The following PGR variants were observed in gnomAD, a reference collection of about 807,000 sequenced individuals.
PGR encodes nuclear receptor subfamily 3 group C member 3.
Under a neutral mutation model 76.1 loss-of-function variants are expected in PGR, and 25 were observed. That is an observed-to-expected ratio of 0.33 (90% CI 0.24 to 0.46). The LOEUF (loss-of-function observed/expected upper bound fraction) is 0.46, where lower values mean the gene tolerates loss of function less well. PGR is among the 20% of genes least tolerant of loss of function. PGR has a pLI of 1.00. For missense variants in PGR, 1,172 were observed against 1,225.3 expected, an observed-to-expected ratio of 0.96 and a Z score of 0.65; for synonymous variants, 579 against 535.0, an observed-to-expected ratio of 1.08 and a Z score of -1.14.
At chr11:101,113,163 T>C (rs1862394548) in intron 2 of PGR, among the ~76,000 whole-genome samples, 1 of 152,206 alleles carries the variant, frequency 6.6e-6, no homozygotes. Context: ...AAATGCTATC[T>C]ACAAAACAAC....
rs144087462 is a variant in PGR, at chr11:101,036,132, T to A, written c.*2984A>T. 6.3e-4 allele frequency: 137 copies of A among 218,510 alleles called. 1 individual carries two copies. In the East Asian group the frequency reaches 9.3e-3, roughly 15 times the overall value. The allele number at this position is 218,510 out of a possible 1,614,324, so 13.5% of individuals were successfully genotyped here. A position where few individuals can be genotyped will look rare whatever the true frequency, so the allele number is the denominator to read the frequency against. ...GTGCCCATCATCAAACACATGACTA[T>A]CTGTGGATAATTTAAGTTACAGGTT... is the stretch of plus-strand genomic sequence containing the variant. On this transcript the variant is annotated 3_prime_UTR_variant, in exon 8 of 8. Transcript: ENST00000325455.
At chr11:101,094,052 T>C (rs951773202) in intron 2 of PGR, among the ~76,000 whole-genome samples, 2 of 152,184 alleles carry the variant, frequency 1.3e-5, no homozygotes, top group Non-Finnish European at 2.9e-5. Flanking sequence ...ATCAATTTCC[T>C]CCTTTCTCTC....
Position 101,032,827 on chromosome 11 carries a change from A to C in PGR, c.*6289T>G. The C allele has an allele frequency of 5.3e-6, 1 of 189,614 alleles. No individual in the cohort carries two copies. The highest frequency in any genetic ancestry group is 1.1e-5 in the Non-Finnish European group (1 of 90,254). The allele number at this position is 189,614 out of a possible 1,614,324, so 11.7% of individuals were successfully genotyped here. A position where few individuals can be genotyped will look rare whatever the true frequency, so the allele number is the denominator to read the frequency against. On this transcript the variant is annotated 3_prime_UTR_variant, in exon 8 of 8. Coordinates refer to ENST00000325455, the MANE Select transcript of PGR (RefSeq NM_000926.4). ...CCCCATCCAACTCTAAGCTCGGAGA[A>C]GACGGGAACACTGGTAATCTCCACA...
chr11:101,078,307 A>C (rs1861189762), intron 3 of PGR, among the ~76,000 whole-genome samples: 1 of 152,108 alleles, frequency 6.6e-6, no homozygotes, highest in Non-Finnish European at 1.5e-5. Context: ...AACCCATAAA[A>C]CCTGTAACTG....
chr11:101,118,395 G>A (rs187034375), intron 2 of PGR, among the ~76,000 whole-genome samples: 113 of 152,074 alleles, frequency 7.4e-4, no homozygotes, highest in Middle Eastern at 3.4e-3. Context: ...TTGAGCTCAC[G>A]GTCCATACTC....
chr11:101,073,065 T>A (rs993180149), intron 3 of PGR, among the ~76,000 whole-genome samples: 1 of 152,088 alleles, frequency 6.6e-6, no homozygotes, highest in Non-Finnish European at 1.5e-5. Context: ...ATTGACCACA[T>A]AATTGGAAGT....
At chr11:101,081,465 A>G (rs1861306310) in intron 3 of PGR, among the ~76,000 whole-genome samples, 1 of 152,062 alleles carries the variant, frequency 6.6e-6, no homozygotes, top group African/African-American at 2.4e-5. Context: ...TAGTCACCAG[A>G]ATGTTCAAAG....
chr11:101,090,302 G>T (rs1005394802), intron 3 of PGR, among the ~76,000 whole-genome samples: 1 of 152,266 alleles, frequency 6.6e-6, no homozygotes, highest in African/African-American at 2.4e-5. Flanking sequence ...CCAGAACTCC[G>T]CCATTTTCAT....
chr11:101,040,370 G>A (rs752715705), intron 7 of PGR, among the ~76,000 whole-genome samples: 5 of 152,004 alleles, frequency 3.3e-5, no homozygotes, highest in Non-Finnish European at 7.4e-5. Context: ...TTGCATCTCT[G>A]TTGGGGTGGA....
chr11:101,048,797 T>C (rs948996406), intron 6 of PGR, among the ~76,000 whole-genome samples: 13 of 152,162 alleles, frequency 8.5e-5, no homozygotes, highest in Non-Finnish European at 1.6e-4. Flanking sequence ...ATTTCTTTTA[T>C]AATAAATTAG....
At chr11:101,048,416 T>A (rs1019594781) in intron 6 of PGR, among the ~76,000 whole-genome samples, 1 of 152,152 alleles carries the variant, frequency 6.6e-6, no homozygotes, top group East Asian at 1.9e-4. Flanking sequence ...ATTTCATCAC[T>A]GTGTGATTAT....
chr11:101,050,603 C>T (rs974416151), intron 5 of PGR, among the ~76,000 whole-genome samples: 5 of 152,068 alleles, frequency 3.3e-5, no homozygotes, highest in Non-Finnish European at 5.9e-5. Flanking sequence ...AACACAAGTG[C>T]TGAAGGCTGA....
rs892222542 is a variant in PGR at position 101,127,329 on chromosome 11, G to T, written c.1637+105C>A. Reference sequence around the variant, plus strand: ...GCCCACCCTCTCCGGCCGCCCCGGGGAGCGCAGCGGTGCGCTGGGGCTGGG... The same window carrying T: ...GCCCACCCTCTCCGGCCGCCCCGGGTAGCGCAGCGGTGCGCTGGGGCTGGG... On this transcript the variant is annotated intron_variant, in intron 1 of 7. Transcript: ENST00000325455. The T allele has an allele frequency of 3.6e-6, 3 of 832,188 alleles. No homozygotes were observed. The African/African-American group carries it at 5.5e-5, about 15-fold the overall frequency. 51.6% of individuals were successfully genotyped at this position (832,188 alleles called of 1,614,324 possible).
At chr11:101,106,154 G>A (rs1862155321) in intron 2 of PGR, among the ~76,000 whole-genome samples, 1 of 152,160 alleles carries the variant, frequency 6.6e-6, no homozygotes, top group Non-Finnish European at 1.5e-5. Flanking sequence ...CACTATTCAG[G>A]AGATAGGTGT....
intron 2 of PGR, among the ~76,000 whole-genome samples, chr11:101,125,791 G>T (rs1862822455): frequency 1.3e-5 from 2 of 152,192 alleles, no homozygotes; most frequent in Non-Finnish European, 2.9e-5. Flanking sequence ...TACTGAAAGT[G>T]TTAGTCAAAG....
At position 101,128,401 on chromosome 11, in the gene PGR, C is replaced by G; in HGVS notation, c.670G>C (p.Glu224Gln). Residue 224 changes from glutamate to glutamine, a missense_variant, in exon 1 of 8, where the codon GAG (glutamate) becomes CAG (glutamine). This residue lies in a region of PGR where 893 missense variants were observed against 785.9 expected (regional missense o/e 1.14). Transcript: ENST00000325455. ...PQAAAVEVEE[E>Q]DGSESEESAG... ...GACTCCTCGGACTCAGAGCCATCCTCCTCCTCAACCTCCACCGCAGCGGCC... is the reference window on the plus strand; with the variant it reads ...GACTCCTCGGACTCAGAGCCATCCTGCTCCTCAACCTCCACCGCAGCGGCC... The G allele has an allele frequency of 1.2e-6, 2 of 1,610,520 alleles. No homozygotes were observed. Among genetic ancestry groups the G allele is most frequent in the Non-Finnish European group, 1.7e-6 (2 of 1,179,860 alleles).
intron 2 of PGR, among the ~76,000 whole-genome samples, chr11:101,099,143 T>G (rs1434835644): frequency 6.6e-6 from 1 of 152,200 alleles, no homozygotes; most frequent in Non-Finnish European, 1.5e-5. Flanking sequence ...GTGTTCATAA[T>G]AGCCTCAATC....
intron 3 of PGR, among the ~76,000 whole-genome samples, chr11:101,072,610 C>G (rs903267107): frequency 1.3e-5 from 2 of 151,970 alleles, no homozygotes; most frequent in Admixed American, 1.3e-4. Flanking sequence ...ACAATATGCT[C>G]AAAATAAAGG....
intron 2 of PGR, among the ~76,000 whole-genome samples, chr11:101,093,327 A>T (rs1333155701): frequency 2.8e-5 from 4 of 141,642 alleles, no homozygotes; most frequent in African/African-American, 1.1e-4. Context: ...TTTTTTTTTT[A>T]CCACAAGTTA....
Sources: allele counts gnomAD v4.1 joint callset (sites outside exome capture counted in the v4.1 genomes callset), GRCh38; gene constraint gnomAD v4.1.1; regional missense constraint gnomAD v4.1.1; transcripts MANE v1.5; gene names NCBI Gene and HGNC (gene_info 2026-07-23, HGNC 2026-07-21).